GLDC: variants seen among roughly 807,000 people sequenced by gnomAD.
GLDC encodes the protein glycine decarboxylase.
A neutral mutation model predicts 121.3 loss-of-function variants in GLDC; 104 were observed. The observed-to-expected ratio is 0.86, with a 90% CI of 0.73 to 1.01. GLDC has a LOEUF of 1.01. Among genes scored for constraint, GLDC ranks in the 50% least tolerant of loss-of-function variants. GLDC has a pLI of 0.00. For missense variants in GLDC, 1,429 were observed against 1,306.6 expected (o/e 1.09, Z -1.44); for synonymous variants, 546 against 480.6 (o/e 1.14, Z -1.78).
In GLDC at chr9:6,533,329, C is replaced by T. The variant is rs143140771; in HGVS notation, c.2920-169G>A. On this transcript the variant is annotated intron_variant, in intron 24 of 24. Coordinates refer to ENST00000321612, the MANE Select transcript of GLDC (RefSeq NM_000170.3). ...ACCATTTAAAAAAAAGAGGCATTTC[C>T]CAGGAGGCGTGTCCCTGATCACCAC... is the stretch of plus-strand genomic sequence containing the variant. Among the ~76,000 whole-genome samples, 1,173 of 152,198 alleles carry T rather than the reference C, an allele frequency of 7.7e-3. 12 individuals are homozygous for T. Among genetic ancestry groups the T allele is most frequent in the African/African-American group, 0.027 (1,116 of 41,528 alleles).
chr9:6,546,365 CTTTTTTT>C (rs34760385), intron 21 of GLDC, among the ~76,000 whole-genome samples: 5 of 138,078 alleles, frequency 3.6e-5, no homozygotes, highest in South Asian at 2.3e-4. Context: ...TTAATTTTTT[CTTTTTTT>C]TTTTTTTTGG....
chr9:6,629,221 ATT>A (rs34170195), intron 2 of GLDC, among the ~76,000 whole-genome samples: 33,363 of 145,264 alleles, frequency 0.23, 3,682 homozygotes, highest in South Asian at 0.3. Flanking sequence ...TTAAATATTC[ATT>A]TTTTTTTTTT....
At chr9:6,644,532 C>A in intron 2 of GLDC, 82 bp downstream of exon 2, 2 of 934,818 alleles carry the variant, frequency 2.1e-6, no homozygotes, top group Non-Finnish European at 3.5e-6. Context: ...AATCCTTACC[C>A]CAGAGCTCGA....
At chr9:6,635,411 A>G (rs987808849) in intron 2 of GLDC, among the ~76,000 whole-genome samples, 10 of 152,234 alleles carry the variant, frequency 6.6e-5, no homozygotes, top group African/African-American at 2.4e-4. Flanking sequence ...TGTATGGGCA[A>G]ATGGTCCTAT....
At chr9:6,644,206 T>C (rs1249015950) in intron 2 of GLDC, among the ~76,000 whole-genome samples, 1 of 151,800 alleles carries the variant, frequency 6.6e-6, no homozygotes, top group Non-Finnish European at 1.5e-5. Context: ...AGATGTCTGG[T>C]CACTTCCCCA....
chr9:6,565,465 T>A, intron 15 of GLDC, 36 bp from the exon 16 acceptor site: 4 of 1,506,044 alleles, frequency 2.7e-6, no homozygotes, highest in Non-Finnish European at 3.7e-6. Context: ...CACGGTTAGG[T>A]CTTCTGGCTT....
chr9:6,591,840 CCT>C (rs1818381398), intron 11 of GLDC: 1 of 241,156 alleles, frequency 4.1e-6, no homozygotes, highest in Non-Finnish European at 8.3e-6. Context: ...CCCCCGCCCC[CCT>C]GACCTCCCAA....
At chr9:6,638,441 C>T (rs532808838) in intron 2 of GLDC, among the ~76,000 whole-genome samples, 77 of 152,130 alleles carry the variant, frequency 5.1e-4, no homozygotes, top group Admixed American at 1.4e-3. Flanking sequence ...TCTTGAACTC[C>T]GGACCTCAGA....
chr9:6,551,061 C>G, intron 20 of GLDC, 147 bp from the exon 21 acceptor site: 1 of 736,150 alleles, frequency 1.4e-6, no homozygotes, highest in Admixed American at 1.9e-5. Flanking sequence ...TGGAAAATTC[C>G]AACAAGGATA....
chr9:6,546,536 G>C (rs1817393514), intron 21 of GLDC, among the ~76,000 whole-genome samples: 1 of 151,820 alleles, frequency 6.6e-6, no homozygotes, highest in Non-Finnish European at 1.5e-5. Context: ...AGGTGTTCAG[G>C]GACAGTAACA....
intron 15 of GLDC, among the ~76,000 whole-genome samples, chr9:6,570,881 G>A (rs1472402401): frequency 2.0e-5 from 3 of 148,826 alleles, no homozygotes; most frequent in Non-Finnish European, 1.5e-5. Context: ...AAAGTTTCTC[G>A]GGGTATGTTT....
chr9:6,604,970 CA>C (rs1240332370), intron 6 of GLDC, among the ~76,000 whole-genome samples, 160 bp downstream of exon 6: 1 of 152,040 alleles, frequency 6.6e-6, no homozygotes, highest in Non-Finnish European at 1.5e-5. Flanking sequence ...AATCCGGGAA[CA>C]GAAAAAAGTA....
chr9:6,545,108 G>GA (rs34257478), intron 21 of GLDC, among the ~76,000 whole-genome samples: 18 of 148,548 alleles, frequency 1.2e-4, no homozygotes, highest in South Asian at 2.1e-4. Context: ...TCAAAAAAAA[G>GA]AAAAAAAAAA....
intron 17 of GLDC, 180 bp downstream of exon 17, chr9:6,558,379 G>A (rs887254008): frequency 1.3e-6 from 1 of 747,958 alleles, no homozygotes; most frequent in Non-Finnish European, 2.3e-6. Context: ...GCTGGAATTA[G>A]AAAACGGGGA....
intron 9 of GLDC, 156 bp from the exon 10 acceptor site, chr9:6,593,146 T>C (rs1818411967): frequency 2.8e-6 from 2 of 703,520 alleles, no homozygotes; most frequent in African/African-American, 1.8e-5. Flanking sequence ...AACATGTTTA[T>C]TATCATGCTG....
rs1163351205 is a variant in GLDC, at chr9:6,610,205, G to T, written c.622C>A (p.Gln208Lys). 6.2e-7 allele frequency: 1 copy of T among 1,611,606 alleles called. No individual in the cohort carries two copies. Among genetic ancestry groups the T allele is most frequent in the Non-Finnish European group, 8.5e-7 (1 of 1,178,866 alleles). Residue 208 changes from glutamine (Q) to lysine (K), a missense_variant, in exon 4 of 25, where the codon CAG becomes AAG. Physicochemically the swap from Gln to Lys is moderately conservative, Grantham distance 53. Coordinates refer to ENST00000321612, the MANE Select transcript of GLDC (RefSeq NM_000170.3). The part of the protein sequence containing the change: ...DEGTAAAEAL[Q>K]LCYRHNKRRK... The stretch of plus-strand genomic sequence containing the variant: ...GAGGCCTCTCACCTGTAGCACAGCT[G>T]CAGTGCCTCTGCGGCTGCAGTCCCC...
intron 8 of GLDC, among the ~76,000 whole-genome samples, chr9:6,595,654 A>T (rs1286157218): frequency 1.3e-5 from 2 of 152,208 alleles, no homozygotes; most frequent in Non-Finnish European, 1.5e-5. Flanking sequence ...TCTGTGGCAA[A>T]GGACTGGCAA....
intron 3 of GLDC, among the ~76,000 whole-genome samples, chr9:6,619,016 A>C (rs1399094001): frequency 6.6e-6 from 1 of 151,710 alleles, no homozygotes; most frequent in Admixed American, 6.6e-5. Context: ...ACTGGCAGGC[A>C]CCTGTAATCC....
intron 21 of GLDC, chr9:6,540,363 T>C (rs1038072211): frequency 3.7e-6 from 2 of 537,694 alleles, no homozygotes; most frequent in Non-Finnish European, 6.7e-6. Flanking sequence ...CCGATGTGTC[T>C]TATCTTCAGC....
Sources: allele counts gnomAD v4.1 joint callset (sites outside exome capture counted in the v4.1 genomes callset), GRCh38; gene constraint gnomAD v4.1.1; transcripts MANE v1.5; gene names NCBI Gene and HGNC (gene_info 2026-07-23, HGNC 2026-07-21).